HCN1: variants seen among roughly 807,000 people sequenced by gnomAD.
HCN1 encodes the protein hyperpolarization activated cyclic nucleotide gated potassium channel 1.
HCN1 carries 13 observed loss-of-function variants against 78.9 expected under a neutral mutation model. The observed-to-expected ratio is 0.16, with a 90% CI of 0.11 to 0.26. The LOEUF (loss-of-function observed/expected upper bound fraction) is 0.26. Among genes scored for constraint, HCN1 ranks in the 10% least tolerant of loss-of-function variants. The pLI is 1.00. For missense variants in HCN1, 810 were observed against 1,154.3 expected, an observed-to-expected ratio of 0.70 and a Z score of 4.32; for synonymous variants, 552 against 455.5, an observed-to-expected ratio of 1.21 and a Z score of -2.70.
chr5:45,449,298 A>G (rs542895414), intron 3 of HCN1, among the ~76,000 whole-genome samples: 92 of 152,290 alleles, frequency 6.0e-4, no homozygotes, highest in Admixed American at 1.8e-3. Context: ...TAGTTCCAGG[A>G]CTTGATTATG....
intron 2 of HCN1, among the ~76,000 whole-genome samples, chr5:45,487,335 T>C (rs1333928623): frequency 6.6e-6 from 1 of 152,106 alleles, no homozygotes; most frequent in African/African-American, 2.4e-5. Flanking sequence ...TTGGTAACTA[T>C]ATAGGAAGAA....
At chr5:45,590,972 C>T (rs1343026338) in intron 2 of HCN1, among the ~76,000 whole-genome samples, 4 of 152,064 alleles carry the variant, frequency 2.6e-5, no homozygotes, top group African/African-American at 9.7e-5. Context: ...ACTGGGACTA[C>T]AGGCATGTGC....
intron 2 of HCN1, among the ~76,000 whole-genome samples, chr5:45,505,969 A>C (rs1742288430): frequency 6.6e-6 from 1 of 152,252 alleles, no homozygotes; most frequent in African/African-American, 2.4e-5. Flanking sequence ...ATATCTTGGT[A>C]AGTTCAAATG....
intron 2 of HCN1, among the ~76,000 whole-genome samples, chr5:45,590,384 C>T (rs1364602127): frequency 6.6e-6 from 1 of 152,172 alleles, no homozygotes; most frequent in Non-Finnish European, 1.5e-5. Flanking sequence ...ACACACATAG[C>T]TTCCTCCAAC....
chr5:45,535,998 G>C (rs1742961646), intron 2 of HCN1, among the ~76,000 whole-genome samples: 1 of 152,004 alleles, frequency 6.6e-6, no homozygotes, highest in African/African-American at 2.4e-5. Context: ...CAGTGTTTTG[G>C]TTGTTGTTTT....
intron 2 of HCN1, among the ~76,000 whole-genome samples, chr5:45,488,782 T>A (rs534034625): frequency 6.6e-6 from 1 of 152,286 alleles, no homozygotes; most frequent in African/African-American, 2.4e-5. Context: ...CTGCTGTTCC[T>A]CCAGCCATTC....
chr5:45,400,998 A>C (rs912327426), intron 3 of HCN1, among the ~76,000 whole-genome samples: 4 of 152,164 alleles, frequency 2.6e-5, no homozygotes, highest in Admixed American at 2.6e-4. Context: ...TTTGTTGATC[A>C]CACCATAGTT....
At chr5:45,485,128 G>T (rs1741730342) in intron 2 of HCN1, among the ~76,000 whole-genome samples, 1 of 152,130 alleles carries the variant, frequency 6.6e-6, no homozygotes, top group African/African-American at 2.4e-5. Context: ...TATTACATTT[G>T]CTAATGGGGG....
intron 6 of HCN1, among the ~76,000 whole-genome samples, chr5:45,297,314 G>T (rs1477661798): frequency 6.6e-6 from 1 of 152,052 alleles, no homozygotes; most frequent in African/African-American, 2.4e-5. Context: ...CGGGCCAGGT[G>T]TTCCTTGTCC....
At chr5:45,376,251 A>ATATTCTATATAATATATG (rs371543140) in intron 4 of HCN1, among the ~76,000 whole-genome samples, 2 of 40,844 alleles carry the variant, frequency 4.9e-5, no homozygotes, top group Non-Finnish European at 8.4e-5. Flanking sequence ...TATTCTATAT[A>ATATTCTATATAATATATG]GAATATAGAA....
chr5:45,370,052 C>A (rs1359706727), intron 4 of HCN1, among the ~76,000 whole-genome samples: 1 of 150,776 alleles, frequency 6.6e-6, no homozygotes, highest in African/African-American at 2.4e-5. Flanking sequence ...TTAATTTTTT[C>A]TTGGGAAAAA....
At chr5:45,666,279 C>T (rs7712840) in intron 1 of HCN1, among the ~76,000 whole-genome samples, 1,871 of 152,152 alleles carry the variant, frequency 0.012, 32 homozygotes, top group African/African-American at 0.043. Flanking sequence ...AGCCAGCATG[C>T]TGTTTTTGCT....
Position 45,465,186 on chromosome 5 carries a change from TTAA to T in HCN1, c.850-3182_850-3180del, listed in dbSNP as rs1014765000. ...GAATGAATGAGAGAGTTGAAGGGGT[TTAA>T]TAATAATAACATAAATAACCTTTTA... On this transcript the variant is annotated intron_variant, in intron 2 of 7. Coordinates refer to ENST00000303230, the MANE Select transcript of HCN1 (RefSeq NM_021072.4). 6.6e-5 allele frequency among the ~76,000 whole-genome samples: 10 copies of T among 152,222 alleles called. No homozygotes were observed. In the East Asian group the frequency reaches 1.7e-3, roughly 27 times the overall value.
At chr5:45,676,808 G>A (rs890127205) in intron 1 of HCN1, among the ~76,000 whole-genome samples, 4 of 151,700 alleles carry the variant, frequency 2.6e-5, no homozygotes, top group East Asian at 1.9e-4. Context: ...GAGGAAAAAT[G>A]GGCAAAGGTT....
At chr5:45,600,284 T>G (rs1744595832) in intron 2 of HCN1, among the ~76,000 whole-genome samples, 1 of 152,068 alleles carries the variant, frequency 6.6e-6, no homozygotes, top group Non-Finnish European at 1.5e-5. Context: ...GTAAAATATT[T>G]GATTAATTGA....
intron 5 of HCN1, among the ~76,000 whole-genome samples, chr5:45,313,857 T>C (rs1745914652): frequency 6.6e-6 from 1 of 152,112 alleles, no homozygotes; most frequent in Non-Finnish European, 1.5e-5. Flanking sequence ...CCAAGAAATA[T>C]GGGACTATGT....
chr5:45,315,318 G>C (rs1745960096), intron 5 of HCN1, among the ~76,000 whole-genome samples: 1 of 151,992 alleles, frequency 6.6e-6, no homozygotes, highest in Non-Finnish European at 1.5e-5. Flanking sequence ...ATGACTACTG[G>C]GTACACAGCG....
At chr5:45,401,559 G>T (rs1210048918) in intron 3 of HCN1, among the ~76,000 whole-genome samples, 1 of 151,566 alleles carries the variant, frequency 6.6e-6, no homozygotes, top group Non-Finnish European at 1.5e-5. Context: ...TGATTAAAAA[G>T]CTATCTCTAA....
At chr5:45,390,320 T>C (rs1739513199) in intron 4 of HCN1, among the ~76,000 whole-genome samples, 1 of 152,200 alleles carries the variant, frequency 6.6e-6, no homozygotes, top group Non-Finnish European at 1.5e-5. Context: ...TCACAGTTTG[T>C]TTCTATCTTA....
Sources: allele counts gnomAD v4.1 joint callset (sites outside exome capture counted in the v4.1 genomes callset), GRCh38; gene constraint gnomAD v4.1.1; transcripts MANE v1.5; gene names NCBI Gene and HGNC (gene_info 2026-07-23, HGNC 2026-07-21).